THRAP3: variants seen among roughly 807,000 people sequenced by gnomAD.
THRAP3 encodes the protein thyroid hormone receptor-associated protein 3.
A neutral mutation model predicts 101.0 loss-of-function variants in THRAP3; 16 were observed. The ratio of observed to expected loss-of-function variants is 0.16; its 90% confidence interval spans 0.11 to 0.24. The LOEUF (loss-of-function observed/expected upper bound fraction) is 0.24, where lower values mean the gene tolerates loss of function less well. Ranked by LOEUF, THRAP3 falls within the 10% of genes least tolerant of loss-of-function variation. THRAP3 has a pLI of 1.00. For synonymous variants in THRAP3, 407 were observed against 422.6 expected (o/e 0.96, Z 0.45); for missense variants, 989 against 1,202.7 (o/e 0.82, Z 2.63).
chr1:36,222,666 C>T (rs1261378468), upstream of THRAP3, among the ~76,000 whole-genome samples: 1 of 152,148 alleles, frequency 6.6e-6, no homozygotes, highest in African/African-American at 2.4e-5. Flanking sequence ...CCTCGGTTCT[C>T]CCAAAGCGTT....
intron 1 of THRAP3, among the ~76,000 whole-genome samples, chr1:36,254,124 T>A (rs1049336012): frequency 1.3e-5 from 2 of 152,104 alleles, no homozygotes; most frequent in Non-Finnish European, 2.9e-5. Context: ...TTCACCTTCT[T>A]TTTCTCAGCA....
rs1553192791 is a variant in THRAP3 at position 36,243,803 on chromosome 1, C to CA, written c.-134-15579_-134-15578insA. Among the ~76,000 whole-genome samples, 11 of 138,156 alleles carry CA rather than the reference C, an allele frequency of 8.0e-5. 1 individual carries two copies. The highest frequency in any genetic ancestry group is 3.6e-4 in the Admixed American group (5 of 14,038). 90.6% of individuals were successfully genotyped at this position (138,156 alleles called of 152,430 possible). On this transcript the variant is annotated intron_variant, in intron 1 of 11. Coordinates refer to ENST00000354618, the MANE Select transcript of THRAP3 (RefSeq NM_005119.4). Reference sequence around the variant, plus strand: ...GCAGAGGCGCCCCTCACCTCCCGGACGGGCGGCTGGCCAGGCGGGGGGCTG... The same window carrying CA: ...GCAGAGGCGCCCCTCACCTCCCGGACAGGGCGGCTGGCCAGGCGGGGGGCTG...
intron 1 of THRAP3, among the ~76,000 whole-genome samples, chr1:36,236,506 C>T (rs992297912): frequency 4.0e-5 from 6 of 151,752 alleles, no homozygotes; most frequent in Admixed American, 2.6e-4. Context: ...TCCAGTCTTC[C>T]TTCCCCTCCC....
At chr1:36,292,046 A>G (rs918505529) in intron 6 of THRAP3, among the ~76,000 whole-genome samples, 1 of 152,078 alleles carries the variant, frequency 6.6e-6, no homozygotes, top group African/African-American at 2.4e-5. Flanking sequence ...TCTGAGGAGA[A>G]TAAGCTTCAA....
chr1:36,273,396 A>G (rs1645614724), intron 2 of THRAP3, among the ~76,000 whole-genome samples: 1 of 152,244 alleles, frequency 6.6e-6, no homozygotes, highest in African/African-American at 2.4e-5. Flanking sequence ...CATTATAAAA[A>G]TAGTCAACAA....
At chr1:36,290,929 T>C (rs1360339902) in intron 5 of THRAP3, among the ~76,000 whole-genome samples, 3 of 152,180 alleles carry the variant, frequency 2.0e-5, no homozygotes, top group South Asian at 2.1e-4. Context: ...TCCCGCTTCA[T>C]GACATCACCT....
intron 2 of THRAP3, 100 bp from the exon 3 acceptor site, chr1:36,282,433 A>C: frequency 2.3e-6 from 2 of 884,970 alleles, no homozygotes; most frequent in Non-Finnish European, 3.3e-6. Context: ...GGTCTTCTCA[A>C]GTTGCCCAGA....
chr1:36,275,244 C>T (rs1166535710), intron 2 of THRAP3, among the ~76,000 whole-genome samples: 7 of 134,320 alleles, frequency 5.2e-5, no homozygotes, highest in Non-Finnish European at 1.1e-4. Context: ...AAGGTAAGAT[C>T]GCACCACTGC....
At chr1:36,281,247 T>A (rs1282732466) in intron 2 of THRAP3, among the ~76,000 whole-genome samples, 1 of 152,208 alleles carries the variant, frequency 6.6e-6, no homozygotes, top group Non-Finnish European at 1.5e-5. Flanking sequence ...TTGATGGTTC[T>A]TTATGACTAG....
chr1:36,228,469 G>A (rs1047958895), intron 1 of THRAP3, among the ~76,000 whole-genome samples: 8 of 152,212 alleles, frequency 5.3e-5, no homozygotes, highest in East Asian at 1.9e-4. Context: ...TGATCCGACC[G>A]TTTTGGCCTC....
At chr1:36,296,806 AG>A in intron 9 of THRAP3, 36 bp downstream of exon 9, 1 of 1,517,550 alleles carries the variant, frequency 6.6e-7, no homozygotes, top group Non-Finnish European at 8.8e-7. Context: ...CAGACTCTTA[AG>A]TTTCTTGTCT....
At chr1:36,283,066 A>G (rs927758363) in intron 3 of THRAP3, among the ~76,000 whole-genome samples, 3 of 152,242 alleles carry the variant, frequency 2.0e-5, no homozygotes, top group African/African-American at 7.2e-5. Context: ...CAAAGAAAGG[A>G]TAGCTAAGAG....
Position 36,304,123 on chromosome 1 carries a change from C to G in THRAP3, c.*106C>G, listed in dbSNP as rs1646065784. The stretch of plus-strand genomic sequence containing the variant: ...CAAGAAGATTCTGAAAATCCTACCC[C>G]CACCCCCCACCAGCCGCACAGATTG... On this transcript the variant is annotated 3_prime_UTR_variant, in exon 12 of 12. Coordinates refer to ENST00000354618, the MANE Select transcript of THRAP3 (RefSeq NM_005119.4). The G allele has an allele frequency of 2.1e-6, 3 of 1,410,514 alleles. No individual in the cohort carries two copies. Among genetic ancestry groups the G allele is most frequent in the South Asian group, 1.6e-5 (1 of 64,136 alleles). 87.4% of individuals were successfully genotyped at this position (1,410,514 alleles called of 1,614,324 possible).
At chr1:36,219,032 C>CAAAAAAAAAAAAAAAAAA in the THRAP3 span, among the ~76,000 whole-genome samples, 1 of 64,714 alleles carries the variant, frequency 1.5e-5, no homozygotes, top group Non-Finnish European at 3.6e-5. Context: ...GGCTCCATCT[C>CAAAAAAAAAAAAAAAAAA]AAAAAAAAAA....
At chr1:36,229,400 GTTT>G (rs1334518786) in intron 1 of THRAP3, among the ~76,000 whole-genome samples, 2 of 102,656 alleles carry the variant, frequency 1.9e-5, no homozygotes, top group African/African-American at 3.3e-5. Flanking sequence ...CTGGTCTACA[GTTT>G]TTTTTTTTGT....
intron 7 of THRAP3, 60 bp downstream of exon 7, chr1:36,292,769 C>T: frequency 7.6e-7 from 1 of 1,312,432 alleles, no homozygotes. Context: ...AGACATTAAA[C>T]TCACCTTGTT....
chr1:36,245,570 T>G (rs1034954920), intron 1 of THRAP3, among the ~76,000 whole-genome samples: 2 of 152,076 alleles, frequency 1.3e-5, no homozygotes, highest in Non-Finnish European at 2.9e-5. Context: ...TCTGTTCACC[T>G]CAAATGTGAT....
chr1:36,287,365 T>C, intron 4 of THRAP3, 95 bp downstream of exon 4: 1 of 1,419,654 alleles, frequency 7.0e-7, no homozygotes, highest in Non-Finnish European at 9.3e-7. Flanking sequence ...TGATTAATGG[T>C]AAAAGGTAAT....
chr1:36,252,755 A>G lies in THRAP3; in HGVS notation c.-134-6627A>G, dbSNP rs189554326. On this transcript the variant is annotated intron_variant, in intron 1 of 11. Coordinates refer to ENST00000354618, the MANE Select transcript of THRAP3 (RefSeq NM_005119.4). ...CCCTGTCTCTACTAAAAATACAAAA[A>G]AATTAGCCAGGCATTGTGGCGCAAG... Among the ~76,000 whole-genome samples the G allele has an allele frequency of 5.5e-3, 841 of 151,554 alleles. 5 individuals carry two copies. The highest frequency in any genetic ancestry group is 0.02 in the African/African-American group (815 of 41,340).
Sources: gnomAD v4.1 joint callset for allele counts (sites outside exome capture counted in the v4.1 genomes callset) on GRCh38, gnomAD v4.1.1 for gene constraint, MANE v1.5 for transcripts, NCBI Gene and HGNC (gene_info 2026-07-23, HGNC 2026-07-21) for gene names.